Variants in YEATS2 observed in about 807,000 individuals in gnomAD.
YEATS2 encodes the protein YEATS domain containing 2.
A neutral mutation model predicts 163.2 loss-of-function variants in YEATS2; 77 were observed. The observed-to-expected ratio is 0.47, with a 90% CI of 0.39 to 0.57. The LOEUF (loss-of-function observed/expected upper bound fraction) is 0.57, where lower values mean the gene tolerates loss of function less well. YEATS2 is among the 20% of genes least tolerant of loss of function. The pLI is 0.00. For missense variants in YEATS2, 1,549 were observed against 1,729.8 expected (o/e 0.90, Z 1.85); for synonymous variants, 631 against 645.1 (o/e 0.98, Z 0.33).
Position 183,698,799 on chromosome 3 carries a change from A to G in YEATS2, c.-20+806A>G, listed in dbSNP as rs532605759. Among the ~76,000 whole-genome samples the G allele has an allele frequency of 7.2e-5, 11 of 152,282 alleles. No individual in the cohort carries two copies. The East Asian group carries it at 1.9e-3, about 27-fold the overall frequency. Reference sequence around the variant, plus strand: ...GTATAATATTATATAGAATTCAGCAATATCATTTCCCCTTTCTTAATGAGT... The same window carrying G: ...GTATAATATTATATAGAATTCAGCAGTATCATTTCCCCTTTCTTAATGAGT... On this transcript the variant is annotated intron_variant, in intron 1 of 30. Transcript: ENST00000305135.
intron 1 of YEATS2, among the ~76,000 whole-genome samples, chr3:183,701,082 TA>T (rs940700224): frequency 3.3e-5 from 5 of 149,924 alleles, no homozygotes; most frequent in African/African-American, 1.2e-4. Context: ...TATATATATA[TA>T]AATTTTTTTT....
At chr3:183,808,130 C>A in intron 29 of YEATS2, 26 bp downstream of exon 29, 1 of 1,546,200 alleles carries the variant, frequency 6.5e-7, no homozygotes, top group South Asian at 1.2e-5. Flanking sequence ...GGCCGCCAGC[C>A]AGGAAGGATG....
At position 183,700,725 on chromosome 3, in the gene YEATS2, C is replaced by T. The variant is rs565836580; in HGVS notation, c.-20+2732C>T. Reference sequence around the variant, plus strand: ...GGTGGAGGTTGCAGTGAACGGAGATCGCGCCACTGCACTCCAGCCTGGGCG... The same window carrying T: ...GGTGGAGGTTGCAGTGAACGGAGATTGCGCCACTGCACTCCAGCCTGGGCG... On this transcript the variant is annotated intron_variant, in intron 1 of 30. Coordinates refer to ENST00000305135, the MANE Select transcript of YEATS2 (RefSeq NM_018023.5). 2.4e-4 allele frequency among the ~76,000 whole-genome samples: 31 copies of T among 129,234 alleles called. 1 individual carries two copies. The Admixed American group carries it at 2.5e-3, about 10-fold the overall frequency. The allele number at this position is 129,234 out of a possible 152,430, so 84.8% of individuals were successfully genotyped here. A position where few individuals can be genotyped will look rare whatever the true frequency, so the allele number is the denominator to read the frequency against.
At chr3:183,773,534 A>G in intron 16 of YEATS2, 99 bp from the exon 17 acceptor site, 4 of 1,155,556 alleles carry the variant, frequency 3.5e-6, no homozygotes, top group Non-Finnish European at 4.8e-6. Flanking sequence ...ATTGCTTGTT[A>G]GTGTTCTAAA....
chr3:183,786,158 A>G lies in YEATS2; in HGVS notation c.2770A>G (p.Ile924Val). Residue 924 changes from isoleucine (I) to valine (V), a missense_variant, in exon 20 of 31, where the codon ATA (isoleucine) becomes GTA (valine). Coordinates refer to ENST00000305135, the MANE Select transcript of YEATS2 (RefSeq NM_018023.5). ...TGGAGGACAGGCATCTCTAATGAAA[A>G]TATCCGATAGCACCTTGAAGACTGT... ...AHGGQASLMK[I>V]SDSTLKTVPA... 1.2e-6 allele frequency: 2 copies of G among 1,614,008 alleles called. No homozygotes were observed. Among genetic ancestry groups the G allele is most frequent in the South Asian group, 1.1e-5 (1 of 91,076 alleles).
intron 7 of YEATS2, among the ~76,000 whole-genome samples, chr3:183,731,297 CA>C (rs63002261): frequency 0.25 from 29,863 of 121,716 alleles, 3,767 homozygotes; most frequent in African/African-American, 0.46. Flanking sequence ...GAGTCTGTCT[CA>C]AAAAAAAAAA....
intron 8 of YEATS2, among the ~76,000 whole-genome samples, chr3:183,738,614 C>T (rs1400145052): frequency 7.2e-6 from 1 of 138,654 alleles, no homozygotes; most frequent in African/African-American, 2.7e-5. Flanking sequence ...CAGGTGATCT[C>T]ATTGTTCAAT....
chr3:183,750,748 G>A (rs262952), intron 9 of YEATS2, among the ~76,000 whole-genome samples: 66,665 of 152,048 alleles, frequency 0.44, 15,027 homozygotes, highest in East Asian at 0.65. Flanking sequence ...TGTCTATTCA[G>A]AGACATTCAG....
In YEATS2 at chr3:183,697,930, C is replaced by T. The variant is rs891194275; in HGVS notation, c.-83C>T. 2 of 151,748 alleles carry T rather than the reference C, an allele frequency of 1.3e-5. No individual in the cohort carries two copies. Among genetic ancestry groups the T allele is most frequent in the Non-Finnish European group, 2.9e-5 (2 of 67,810 alleles). 9.4% of individuals were successfully genotyped at this position (151,748 alleles called of 1,614,324 possible). On this transcript the variant is annotated 5_prime_UTR_variant, in exon 1 of 31. Coordinates refer to ENST00000305135, the MANE Select transcript of YEATS2 (RefSeq NM_018023.5). ...CCGCGGGGCTTCGCCCGCTCTCTCA[C>T]CTCGCCGTGCTCTCTCGCGGCGGCC...
chr3:183,722,675 C>T (rs1716649488), intron 5 of YEATS2, among the ~76,000 whole-genome samples: 1 of 151,460 alleles, frequency 6.6e-6, no homozygotes, highest in Admixed American at 6.6e-5. Flanking sequence ...TTTTCTGAGA[C>T]GGAGTCTCGC....
At chr3:183,797,527 A>G (rs1577213663) in intron 21 of YEATS2, among the ~76,000 whole-genome samples, 1 of 144,812 alleles carries the variant, frequency 6.9e-6, no homozygotes, top group South Asian at 2.2e-4. Context: ...AACCTGGGCA[A>G]CAGCCTGTCT....
intron 13 of YEATS2, among the ~76,000 whole-genome samples, chr3:183,760,959 T>C (rs1721289010): frequency 6.6e-6 from 1 of 152,208 alleles, no homozygotes; most frequent in African/African-American, 2.4e-5. Flanking sequence ...GTTAGAAGTC[T>C]TTCCAGTGTA....
intron 1 of YEATS2, among the ~76,000 whole-genome samples, chr3:183,702,108 G>A (rs971753590): frequency 6.6e-6 from 1 of 152,166 alleles, no homozygotes; most frequent in Non-Finnish European, 1.5e-5. Context: ...GCCTTCGAAA[G>A]CTTTTTTTCC....
Position 183,730,052 on chromosome 3 carries a change from G to GTT in YEATS2, c.812+1235_812+1236dup, listed in dbSNP as rs869091775. ...ATATTAATTGTGTGGTTTTTTGTTT[G>GTT]TTTTTTTTTTTTTTTTTTTTTTTTT... On this transcript the variant is annotated intron_variant, in intron 7 of 30. Transcript: ENST00000305135. Among the ~76,000 whole-genome samples, 130 of 41,708 alleles carry GTT rather than the reference G, an allele frequency of 3.1e-3. 11 individuals are homozygous for GTT. The highest frequency in any genetic ancestry group is 3.8e-3 in the Non-Finnish European group (86 of 22,814). The allele number at this position is 41,708 out of a possible 152,430, so 27.4% of individuals were successfully genotyped here. A position where few individuals can be genotyped will look rare whatever the true frequency, so the allele number is the denominator to read the frequency against.
At chr3:183,763,574 CTG>C (rs1466940795) in intron 15 of YEATS2, among the ~76,000 whole-genome samples, 1 of 152,168 alleles carries the variant, frequency 6.6e-6, no homozygotes, top group African/African-American at 2.4e-5. Context: ...AATGAGGAAA[CTG>C]TGGCTCAGAG....
chr3:183,792,104 C>T (rs1724709331), intron 21 of YEATS2, among the ~76,000 whole-genome samples: 1 of 152,028 alleles, frequency 6.6e-6, no homozygotes, highest in African/African-American at 2.4e-5. Flanking sequence ...TTCTAAAATC[C>T]CAAAAGCTGT....
intron 1 of YEATS2, among the ~76,000 whole-genome samples, chr3:183,712,606 C>T (rs1034550254): frequency 6.6e-6 from 1 of 152,104 alleles, no homozygotes; most frequent in Non-Finnish European, 1.5e-5. Context: ...AATCAGAGAG[C>T]TATTCTGGTC....
In YEATS2 at chr3:183,810,739, G is replaced by A. The variant is rs1041805179; in HGVS notation, c.*156G>A. 5 of 630,372 alleles carry A rather than the reference G, an allele frequency of 7.9e-6. No individual in the cohort carries two copies. Among genetic ancestry groups the A allele is most frequent in the South Asian group, 1.9e-5 (1 of 52,842 alleles). The allele number at this position is 630,372 out of a possible 1,614,324, so 39.0% of individuals were successfully genotyped here. ...GCCTGTTCCCACGTGTCACCAGCAC[G>A]CTGCACTCCAGATGAAATCCTCCTA... On this transcript the variant is annotated 3_prime_UTR_variant, in exon 31 of 31. Coordinates refer to ENST00000305135, the MANE Select transcript of YEATS2 (RefSeq NM_018023.5).
At chr3:183,805,829 T>C (rs1031259400) in intron 27 of YEATS2, among the ~76,000 whole-genome samples, 14 of 151,904 alleles carry the variant, frequency 9.2e-5, no homozygotes, top group African/African-American at 3.4e-4. Context: ...GCCATTAAGC[T>C]TCTTGAGAGC....
Sources: gnomAD v4.1 joint callset for allele counts (sites outside exome capture counted in the v4.1 genomes callset) on GRCh38, gnomAD v4.1.1 for gene constraint, MANE v1.5 for transcripts, NCBI Gene and HGNC (gene_info 2026-07-23, HGNC 2026-07-21) for gene names.